The following RAB33A variants were observed in gnomAD, a reference collection of about 807,000 sequenced individuals.
The protein encoded by RAB33A is RAB33A, member RAS oncogene family.
RAB33A carries 6 observed loss-of-function variants against 12.0 expected under a neutral mutation model. The ratio of observed to expected loss-of-function variants is 0.50; its 90% CI spans 0.27 to 0.99. The LOEUF (loss-of-function observed/expected upper bound fraction) is 0.99. Ranked by LOEUF, RAB33A falls within the 50% of genes least tolerant of loss-of-function variation. The pLI is 0.11. For missense variants in RAB33A, 109 were observed against 192.0 expected (o/e 0.57, Z 2.55); for synonymous variants, 70 against 82.4 (o/e 0.85, Z 0.81).
At chrX:130,149,508 G>A in the RAB33A span, 3 of 1,209,528 alleles carry the variant, frequency 2.5e-6, no homozygotes. Context: ...TCTGGTGTCA[G>A]CCCTAACCCT....
chrX:130,126,774 A>G, the RAB33A span, among the ~76,000 whole-genome samples: 2 of 112,454 alleles, frequency 1.8e-5, no homozygotes, highest in African/African-American at 6.5e-5. Context: ...CCCATCCTGA[A>G]AAGAAAACAT....
chrX:130,124,957 CAGGATGGG>C, the RAB33A span, among the ~76,000 whole-genome samples: 3 of 111,996 alleles, frequency 2.7e-5, no homozygotes, highest in African/African-American at 9.7e-5. Context: ...TCAGAAAAAC[CAGGATGGG>C]GGTGGGGGTT....
the RAB33A span, among the ~76,000 whole-genome samples, chrX:130,125,526 G>A: frequency 9.9e-5 from 11 of 110,960 alleles, no homozygotes; most frequent in Admixed American, 2.9e-4. Flanking sequence ...CACTGGGAGC[G>A]AGTCCCAACA....
chrX:130,163,229 G>C, the RAB33A span, among the ~76,000 whole-genome samples: 46 of 105,419 alleles, frequency 4.4e-4, no homozygotes, highest in Non-Finnish European at 7.7e-5. Context: ...AGAATTGCTT[G>C]AACCCAGCAG....
the RAB33A span, chrX:130,155,042 C>A: frequency 1.0e-6 from 1 of 976,818 alleles, no homozygotes; most frequent in Non-Finnish European, 1.5e-6. Flanking sequence ...TAATAAACAC[C>A]TAGAGAAAGC....
chrX:130,131,647 T>G, the RAB33A span: 79 of 1,211,182 alleles, frequency 6.5e-5, no homozygotes, highest in Non-Finnish European at 8.5e-5. Context: ...CTCAACACTC[T>G]CCAAGAGGAG....
chrX:130,130,667 G>A, the RAB33A span, among the ~76,000 whole-genome samples: 3 of 112,706 alleles, frequency 2.7e-5, no homozygotes, highest in Non-Finnish European at 5.6e-5. Flanking sequence ...TAACGTACTG[G>A]ACAGAGCAGA....
chrX:130,168,002 A>G (rs375004982), upstream of RAB33A, among the ~76,000 whole-genome samples: 3 of 108,543 alleles, frequency 2.8e-5, no homozygotes, highest in African/African-American at 1.0e-4. Flanking sequence ...ATAATGAGAC[A>G]TCATCTCTAC....
chrX:130,176,099 G>A (rs1455467915), intron 1 of RAB33A, among the ~76,000 whole-genome samples: 1 of 111,717 alleles, frequency 9.0e-6, no homozygotes, highest in Non-Finnish European at 1.9e-5. Context: ...GACATCATAA[G>A]AGATAGCTGA....
At position 130,172,334 on chromosome X, in the gene RAB33A, T is replaced by C. The variant is rs1163491622; in HGVS notation, c.258+14T>C. 1 of 1,189,238 alleles carries C rather than the reference T, an allele frequency of 8.4e-7. No individual in the cohort carries two copies. The highest frequency in any genetic ancestry group is 1.8e-5 in the African/African-American group (1 of 56,755). Reference sequence around the variant, plus strand: ...GAGAAGATCAAGGTGATCCAGGGGGTCAGGTCCAGGAAGGGTGGGACCCGG... The same window carrying C: ...GAGAAGATCAAGGTGATCCAGGGGGCCAGGTCCAGGAAGGGTGGGACCCGG... On this transcript the variant is annotated intron_variant, in intron 1 of 1. Coordinates refer to ENST00000257017, the MANE Select transcript of RAB33A (RefSeq NM_004794.3).
the RAB33A span, among the ~76,000 whole-genome samples, chrX:130,163,550 C>T: frequency 8.9e-6 from 1 of 111,762 alleles, no homozygotes. Flanking sequence ...TGATGTCATA[C>T]TTTGGTGCAC....
chrX:130,166,274 A>C, the RAB33A span, among the ~76,000 whole-genome samples: 1 of 110,708 alleles, frequency 9.0e-6, no homozygotes, highest in Non-Finnish European at 1.9e-5. Context: ...TCCATCTTTT[A>C]CCAGTTGCCG....
the RAB33A span, among the ~76,000 whole-genome samples, chrX:130,117,214 TCAAAAAAA>T: frequency 1.1e-4 from 12 of 111,533 alleles, no homozygotes; most frequent in Admixed American, 7.6e-4. Context: ...AGACTCCATC[TCAAAAAAA>T]CAAAAAAACA....
chrX:130,151,234 G>A, the RAB33A span, among the ~76,000 whole-genome samples: 155 of 108,553 alleles, frequency 1.4e-3, 2 homozygotes, highest in African/African-American at 4.8e-3. Flanking sequence ...TCTGCCTCCT[G>A]GGTTCAAGCG....
chrX:130,128,465 G>A, the RAB33A span, among the ~76,000 whole-genome samples: 3 of 111,440 alleles, frequency 2.7e-5, no homozygotes, highest in Non-Finnish European at 5.7e-5. Flanking sequence ...CCAGCTATTT[G>A]GGAGGCTGAG....
the RAB33A span, chrX:130,137,204 G>A: frequency 8.3e-7 from 1 of 1,210,646 alleles, no homozygotes; most frequent in East Asian, 3.0e-5. Flanking sequence ...AAGAAACAGA[G>A]TAGTTACAGC....
chrX:130,129,670 T>C, the RAB33A span: 8 of 1,133,914 alleles, frequency 7.1e-6, no homozygotes, highest in South Asian at 1.8e-5. Context: ...ACTTACTCCA[T>C]TGCGTTCAGG....
the RAB33A span, among the ~76,000 whole-genome samples, chrX:130,163,618 C>T: frequency 8.9e-6 from 1 of 111,825 alleles, no homozygotes; most frequent in South Asian, 3.6e-4. Context: ...TCAGGAAGTC[C>T]GAATATATTC....
upstream of RAB33A, among the ~76,000 whole-genome samples, chrX:130,171,363 C>G (rs2124684817): frequency 8.9e-6 from 1 of 112,171 alleles, no homozygotes; most frequent in African/African-American, 3.2e-5. Context: ...AGGCGCGGCT[C>G]AGCTGCCCGC....
Sources: allele counts gnomAD v4.1 joint callset (sites outside exome capture counted in the v4.1 genomes callset), GRCh38; gene constraint gnomAD v4.1.1; transcripts MANE v1.5; gene names NCBI Gene and HGNC (gene_info 2026-07-23, HGNC 2026-07-21).